The following KLF12 variants were observed in gnomAD, a reference collection of about 807,000 sequenced individuals.
KLF12 encodes the protein KLF transcription factor 12.
KLF12 carries 9 observed loss-of-function variants against 37.8 expected under a neutral mutation model. That is an observed-to-expected ratio of 0.24 (90% CI 0.14 to 0.42). KLF12 has a LOEUF of 0.42. Among genes scored for constraint, KLF12 ranks in the 10% least tolerant of loss-of-function variants. The pLI, the probability that KLF12 is intolerant of heterozygous loss-of-function variation, is 1.00. For synonymous variants in KLF12, 208 were observed against 202.1 expected, an observed-to-expected ratio of 1.03 and a Z score of -0.25; for missense variants, 411 against 516.0, an observed-to-expected ratio of 0.80 and a Z score of 1.97.
intron 1 of KLF12, among the ~76,000 whole-genome samples, chr13:74,002,495 C>A (rs940768486): frequency 2.6e-5 from 4 of 152,172 alleles, no homozygotes; most frequent in Non-Finnish European, 5.9e-5. Flanking sequence ...CCTGCCTCAG[C>A]CTCTTGAGTA....
the KLF12 span, among the ~76,000 whole-genome samples, chr13:74,209,305 C>T: frequency 1.7e-4 from 26 of 151,738 alleles, no homozygotes; most frequent in African/African-American, 2.4e-4. Flanking sequence ...GGCCAAACAC[C>T]CAGTTCTCTT....
chr13:74,099,011 C>G (rs1166641370), intron 1 of KLF12, among the ~76,000 whole-genome samples: 1 of 152,078 alleles, frequency 6.6e-6, no homozygotes, highest in Non-Finnish European at 1.5e-5. Flanking sequence ...ATTTTTGCTA[C>G]TGGACATATA....
At chr13:74,005,503 C>A (rs1292901374) in intron 1 of KLF12, among the ~76,000 whole-genome samples, 1 of 152,202 alleles carries the variant, frequency 6.6e-6, no homozygotes, top group Admixed American at 6.5e-5. Context: ...TAAATCAAAT[C>A]TGTGAACAGT....
At chr13:74,215,427 C>CTTTTTTTTTT in the KLF12 span, among the ~76,000 whole-genome samples, 10 of 60,368 alleles carry the variant, frequency 1.7e-4, no homozygotes, top group Non-Finnish European at 2.0e-4. Flanking sequence ...CCTCTGGGTT[C>CTTTTTTTTTT]TTTTTTTTTT....
intron 2 of KLF12, among the ~76,000 whole-genome samples, chr13:73,975,659 T>C (rs570305424): frequency 6.6e-6 from 1 of 152,332 alleles, no homozygotes; most frequent in East Asian, 1.9e-4. Context: ...TAAGTCTCAT[T>C]ATACTTTGGG....
At chr13:73,734,493 G>C (rs909838441) in intron 6 of KLF12, among the ~76,000 whole-genome samples, 2 of 151,952 alleles carry the variant, frequency 1.3e-5, no homozygotes, top group Non-Finnish European at 2.9e-5. Flanking sequence ...GTTGATAGAG[G>C]CTTAATAGTT....
At chr13:73,783,888 C>T (rs1416563050) in intron 5 of KLF12, among the ~76,000 whole-genome samples, 5 of 152,104 alleles carry the variant, frequency 3.3e-5, no homozygotes, top group Admixed American at 3.3e-4. Flanking sequence ...ACAAACGCTT[C>T]CTTAGAATGG....
At chr13:73,742,276 A>G (rs1878057585) in intron 6 of KLF12, among the ~76,000 whole-genome samples, 1 of 152,224 alleles carries the variant, frequency 6.6e-6, no homozygotes, top group Non-Finnish European at 1.5e-5. Flanking sequence ...TACTTAGGAA[A>G]GCAGAAAATT....
At chr13:74,183,099 C>A in the KLF12 span, among the ~76,000 whole-genome samples, 1 of 152,138 alleles carries the variant, frequency 6.6e-6, no homozygotes, top group Non-Finnish European at 1.5e-5. Context: ...TTTGTGCCTA[C>A]CATAGCCATA....
chr13:73,732,968 T>G (rs1470973929), intron 6 of KLF12, among the ~76,000 whole-genome samples: 1 of 152,118 alleles, frequency 6.6e-6, no homozygotes, highest in African/African-American at 2.4e-5. Flanking sequence ...ATTATTCTCT[T>G]CTATAGCTTA....
At chr13:73,995,836 C>A (rs1398206452) in intron 1 of KLF12, among the ~76,000 whole-genome samples, 2 of 152,156 alleles carry the variant, frequency 1.3e-5, no homozygotes, top group Non-Finnish European at 2.9e-5. Context: ...ATGTTACTTG[C>A]TTCAGAATTT....
intron 6 of KLF12, among the ~76,000 whole-genome samples, chr13:73,763,004 T>A (rs891819652): frequency 2.0e-5 from 3 of 152,186 alleles, no homozygotes; most frequent in African/African-American, 7.2e-5. Context: ...TTTGGAAATA[T>A]CTCCAGGTCT....
At chr13:74,129,480 A>G (rs1878141183) in intron 1 of KLF12, among the ~76,000 whole-genome samples, 1 of 152,216 alleles carries the variant, frequency 6.6e-6, no homozygotes, top group African/African-American at 2.4e-5. Flanking sequence ...TAGCTTCTAC[A>G]GTCACTGATA....
chr13:74,078,405 A>T (rs1049554372), intron 1 of KLF12, among the ~76,000 whole-genome samples: 2 of 152,254 alleles, frequency 1.3e-5, no homozygotes, highest in African/African-American at 4.8e-5. Flanking sequence ...ATCTAGAAAC[A>T]GAAGACACGT....
intron 4 of KLF12, among the ~76,000 whole-genome samples, chr13:73,833,758 G>A (rs893397052): frequency 5.9e-5 from 9 of 152,272 alleles, no homozygotes; most frequent in African/African-American, 1.7e-4. Flanking sequence ...TGGCTGGGAC[G>A]TGAGATGTAT....
intron 1 of KLF12, among the ~76,000 whole-genome samples, chr13:74,027,665 A>C (rs1893011404): frequency 1.3e-5 from 2 of 152,222 alleles, no homozygotes; most frequent in Admixed American, 1.3e-4. Context: ...TCAGATACTT[A>C]AGAGTTTAAA....
chr13:74,280,825 CTTTTTT>C, the KLF12 span, among the ~76,000 whole-genome samples: 1 of 110,562 alleles, frequency 9.0e-6, no homozygotes, highest in African/African-American at 3.2e-5. Context: ...TTTCTTTTTT[CTTTTTT>C]TTTTTTTTTT....
the KLF12 span, among the ~76,000 whole-genome samples, chr13:74,269,961 T>C: frequency 6.6e-6 from 1 of 152,192 alleles, no homozygotes; most frequent in Non-Finnish European, 1.5e-5. Flanking sequence ...GTAATCTCAG[T>C]GGAGAGTTTC....
intron 3 of KLF12, among the ~76,000 whole-genome samples, chr13:73,902,376 C>T (rs557125938): frequency 2.4e-4 from 36 of 152,288 alleles, no homozygotes; most frequent in Middle Eastern, 3.4e-3. Context: ...GGCCTTTTGA[C>T]ATAGGTTATC....
Sources: allele counts gnomAD v4.1 joint callset (sites outside exome capture counted in the v4.1 genomes callset), GRCh38; gene constraint gnomAD v4.1.1; transcripts MANE v1.5; gene names NCBI Gene and HGNC (gene_info 2026-07-23, HGNC 2026-07-21).